TMLHE: variants seen among roughly 807,000 people sequenced by gnomAD.
TMLHE encodes trimethyllysine hydroxylase, epsilon, also known as trimethyllysine dioxygenase, mitochondrial.
A neutral mutation model predicts 25.7 loss-of-function variants in TMLHE; 18 were observed. The observed-to-expected ratio is 0.70, with a 90% CI of 0.48 to 1.04. The LOEUF (loss-of-function observed/expected upper bound fraction) is 1.04. TMLHE is among the 50% of genes least tolerant of loss of function. TMLHE has a pLI of 0.00. For synonymous variants in TMLHE, 105 were observed against 97.0 expected, an observed-to-expected ratio of 1.08 and a Z score of -0.49; for missense variants, 236 against 259.0, an observed-to-expected ratio of 0.91 and a Z score of 0.61.
At position 155,570,911 on chromosome X, in the gene TMLHE, C is replaced by T. The variant is rs781840517; in HGVS notation, c.-1-25634G>A. ...ATCCAAAATTGACACCCTAACATCA[C>T]AATTAAAAGAACTAGAAAAGCAAGA... On this transcript the variant is annotated intron_variant, in intron 1 of 7. Transcript: ENST00000334398. Among the ~76,000 whole-genome samples the T allele has an allele frequency of 9.0e-3, 512 of 56,839 alleles. 114 individuals carry two copies. The highest frequency in any genetic ancestry group is 0.02 in the African/African-American group (470 of 23,723). 49.4% of individuals were successfully genotyped at this position (56,839 alleles called of 115,157 possible). A position where few individuals can be genotyped will look rare whatever the true frequency, so the allele number is the denominator to read the frequency against.
At chrX:155,549,942 T>C (rs1479587723) in intron 1 of TMLHE, among the ~76,000 whole-genome samples, 1 of 109,766 alleles carries the variant, frequency 9.1e-6, no homozygotes, top group Non-Finnish European at 1.9e-5. Flanking sequence ...TTCTCATTGT[T>C]CAACTCCCAC....
chrX:155,585,387 C>A (rs1480266615), intron 1 of TMLHE, among the ~76,000 whole-genome samples: 4 of 101,403 alleles, frequency 3.9e-5, no homozygotes, highest in Admixed American at 1.1e-4. Flanking sequence ...ATTAATCAAG[C>A]AAGAGGATAT....
At chrX:155,515,383 T>A (rs192917611) in intron 3 of TMLHE, among the ~76,000 whole-genome samples, 1 of 110,502 alleles carries the variant, frequency 9.0e-6, no homozygotes, top group African/African-American at 3.3e-5. Flanking sequence ...CCATCTGTTA[T>A]TCTGGGTATG....
intron 1 of TMLHE, among the ~76,000 whole-genome samples, chrX:155,606,645 AAAAAAAATG>A (rs1418809081): frequency 1.8e-5 from 2 of 110,055 alleles, no homozygotes; most frequent in Admixed American, 1.9e-4. Flanking sequence ...ATTCAATGAT[AAAAAAAATG>A]AATGAAATCA....
At chrX:155,516,106 C>T (rs868938743) in intron 3 of TMLHE, among the ~76,000 whole-genome samples, 3 of 46,280 alleles carry the variant, frequency 6.5e-5, no homozygotes, top group South Asian at 3.4e-3. Flanking sequence ...CATGCTGGTG[C>T]GCTGCACCCA....
chrX:155,555,496 A>G (rs1469976615), intron 1 of TMLHE, among the ~76,000 whole-genome samples: 16 of 110,419 alleles, frequency 1.4e-4, no homozygotes, highest in African/African-American at 5.0e-4. Flanking sequence ...TCCCACCAAC[A>G]GCGTAAAAGT....
At chrX:155,608,979 G>A (rs2067803643) in intron 1 of TMLHE, among the ~76,000 whole-genome samples, 1 of 112,060 alleles carries the variant, frequency 8.9e-6, no homozygotes, top group Non-Finnish European at 1.9e-5. Flanking sequence ...GAAGCAGTTT[G>A]ACAATTCCTC....
chrX:155,587,968 T>C (rs1007620480), intron 1 of TMLHE, among the ~76,000 whole-genome samples: 1 of 111,991 alleles, frequency 8.9e-6, no homozygotes, highest in Non-Finnish European at 1.9e-5. Context: ...TAAGAACCAA[T>C]GTTATTTTAC....
chrX:155,524,064 C>G (rs1475472939), intron 3 of TMLHE, among the ~76,000 whole-genome samples: 1 of 111,333 alleles, frequency 9.0e-6, no homozygotes, highest in African/African-American at 3.3e-5. Context: ...TTGAGGTAGT[C>G]TATGTTAGGA....
intron 1 of TMLHE, among the ~76,000 whole-genome samples, chrX:155,558,115 ACTACCTGGTTCTGAG>A (rs1323943941): frequency 6.3e-5 from 7 of 111,692 alleles, no homozygotes; most frequent in Admixed American, 1.9e-4. Context: ...AATGCCTTCT[ACTACCTGGTTCTGAG>A]CTACCTCTCA....
intron 1 of TMLHE, among the ~76,000 whole-genome samples, chrX:155,546,573 A>C (rs1488661073): frequency 9.0e-6 from 1 of 111,403 alleles, no homozygotes; most frequent in Non-Finnish European, 1.9e-5. Flanking sequence ...TGATGAAAGG[A>C]CTGAACTTCA....
At chrX:155,571,166 C>A (rs2067546863) in intron 1 of TMLHE, among the ~76,000 whole-genome samples, 1 of 57,226 alleles carries the variant, frequency 1.7e-5, no homozygotes, top group African/African-American at 4.2e-5. Flanking sequence ...CCACCACTCC[C>A]ACAGAAATAC....
At chrX:155,512,438 G>A (rs1457618834) in intron 4 of TMLHE, among the ~76,000 whole-genome samples, 2 of 107,781 alleles carry the variant, frequency 1.9e-5, no homozygotes, top group Admixed American at 1.0e-4. Flanking sequence ...TTGTCCTTGC[G>A]ATAGTTTACT....
chrX:155,544,657 T>C (rs186865428), intron 2 of TMLHE, among the ~76,000 whole-genome samples: 2 of 112,219 alleles, frequency 1.8e-5, no homozygotes, highest in Non-Finnish European at 3.8e-5. Context: ...CTTTCTGTGG[T>C]TCTAACATTC....
chrX:155,527,984 A>C (rs1557336716), intron 2 of TMLHE, among the ~76,000 whole-genome samples: 1 of 111,701 alleles, frequency 9.0e-6, no homozygotes, highest in African/African-American at 3.3e-5. Flanking sequence ...AAATAGGTGA[A>C]GGATATCAAT....
At chrX:155,599,052 T>C (rs1462291055) in intron 1 of TMLHE, among the ~76,000 whole-genome samples, 2 of 111,486 alleles carry the variant, frequency 1.8e-5, no homozygotes, top group Non-Finnish European at 3.8e-5. Flanking sequence ...CACATAAGAA[T>C]ACAGTATATA....
chrX:155,524,155 C>A (rs1340183249), intron 3 of TMLHE: 5 of 204,774 alleles, frequency 2.4e-5, no homozygotes, highest in Non-Finnish European at 4.4e-5. Context: ...ATTTTCAGTA[C>A]TATGATAAAT....
intron 1 of TMLHE, among the ~76,000 whole-genome samples, chrX:155,610,438 T>A (rs1240014888): frequency 8.9e-6 from 1 of 112,085 alleles, no homozygotes; most frequent in African/African-American, 3.2e-5. Context: ...AATAAATTTA[T>A]AAAATCACTT....
intron 2 of TMLHE, among the ~76,000 whole-genome samples, chrX:155,529,478 G>A (rs1436193112): frequency 7.1e-5 from 8 of 111,951 alleles, no homozygotes; most frequent in Non-Finnish European, 1.9e-5. Context: ...GTGTACAAGA[G>A]TTCCTTTTTC....
Sources: allele counts gnomAD v4.1 joint callset (sites outside exome capture counted in the v4.1 genomes callset), GRCh38; gene constraint gnomAD v4.1.1; transcripts MANE v1.5; gene names NCBI Gene and HGNC (gene_info 2026-07-23, HGNC 2026-07-21).